Variants in MYO18B observed in about 807,000 individuals in gnomAD.
MYO18B encodes unconventional myosin-XVIIIb.
A neutral mutation model predicts 273.0 loss-of-function variants in MYO18B; 204 were observed. The observed-to-expected ratio is 0.75, with a 90% CI of 0.67 to 0.84. The LOEUF (loss-of-function observed/expected upper bound fraction) is 0.84. Ranked by LOEUF, MYO18B falls within the 40% of genes least tolerant of loss-of-function variation. The pLI, the probability that MYO18B is intolerant of heterozygous loss-of-function variation, is 0.00. For synonymous variants in MYO18B, 1,330 were observed against 1,305.7 expected, an observed-to-expected ratio of 1.02 and a Z score of -0.40; for missense variants, 3,212 against 3,287.6, an observed-to-expected ratio of 0.98 and a Z score of 0.56.
the MYO18B span, among the ~76,000 whole-genome samples, chr22:26,038,004 T>G: frequency 6.6e-6 from 1 of 152,172 alleles, no homozygotes; most frequent in Non-Finnish European, 1.5e-5. Context: ...GCCCAGCTGG[T>G]ACAAGTACAT....
chr22:25,761,294 G>A (rs74501615), intron 2 of MYO18B, among the ~76,000 whole-genome samples, 163 bp downstream of exon 2: 1,695 of 152,242 alleles, frequency 0.011, 34 homozygotes, highest in African/African-American at 0.038. Context: ...AGCTCGGTTA[G>A]CCTTGGCCTT....
intron 42 of MYO18B, among the ~76,000 whole-genome samples, chr22:26,012,140 A>G (rs1466282116): frequency 6.6e-6 from 1 of 152,204 alleles, no homozygotes; most frequent in African/African-American, 2.4e-5. Context: ...GTTACTTTCA[A>G]AGAAGGGCAA....
the MYO18B span, among the ~76,000 whole-genome samples, chr22:26,057,816 T>G: frequency 1.3e-5 from 2 of 152,174 alleles, no homozygotes; most frequent in Admixed American, 6.5e-5. Flanking sequence ...AAATGCTAGT[T>G]TTTAAAATTC....
intron 6 of MYO18B, among the ~76,000 whole-genome samples, 156 bp downstream of exon 6, chr22:25,771,140 C>A (rs1296929700): frequency 6.6e-6 from 1 of 152,164 alleles, no homozygotes; most frequent in Non-Finnish European, 1.5e-5. Context: ...TAGTGAAGAA[C>A]CCCACTGAAC....
intron 39 of MYO18B, among the ~76,000 whole-genome samples, chr22:25,991,832 C>G (rs1225773758): frequency 3.9e-5 from 6 of 152,200 alleles, no homozygotes. Flanking sequence ...CTTGCCTGTT[C>G]TGGAGGGAGC....
the MYO18B span, among the ~76,000 whole-genome samples, chr22:26,054,648 G>A: frequency 6.6e-6 from 1 of 152,168 alleles, no homozygotes; most frequent in Non-Finnish European, 1.5e-5. Context: ...CTTCTTCCAA[G>A]TTGGTTGATA....
the MYO18B span, among the ~76,000 whole-genome samples, chr22:26,042,159 C>G: frequency 6.6e-6 from 1 of 152,238 alleles, no homozygotes; most frequent in East Asian, 1.9e-4. Flanking sequence ...TTCACTCCCC[C>G]ACCAGGTGTC....
chr22:25,884,641 T>A (rs1200261748), intron 25 of MYO18B: 1 of 152,198 alleles, frequency 6.6e-6, no homozygotes, highest in African/African-American at 2.4e-5. Context: ...CCATAATCTC[T>A]TCTCTACCTG....
Position 25,955,346 on chromosome 22 carries a change from C to T in MYO18B, c.6138C>T (p.Ser2046=), listed in dbSNP as rs376655559. 3.7e-6 allele frequency: 6 copies of T among 1,613,018 alleles called. No homozygotes were observed. Among genetic ancestry groups the T allele is most frequent in the Non-Finnish European group, 4.2e-6 (5 of 1,179,578 alleles). Residue 2046 remains serine (S), a synonymous_variant, in exon 39 of 44, where the codon AGC becomes AGT. Coordinates refer to ENST00000335473, the MANE Select transcript of MYO18B (RefSeq NM_032608.7). ...EELVQREAEA[S]RRCMELEKYV... ...TGGTGCAGCGGGAGGCAGAGGCCAG[C>T]CGGCGGTGCATGGAGCTGGTGAGTC... is the stretch of plus-strand genomic sequence containing the variant.
At chr22:25,847,201 C>T (rs1290401352) in intron 19 of MYO18B, among the ~76,000 whole-genome samples, 1 of 152,172 alleles carries the variant, frequency 6.6e-6, no homozygotes, top group Non-Finnish European at 1.5e-5. Flanking sequence ...GTCTGTATGA[C>T]CTGGGGCCAC....
chr22:25,748,191 C>T (rs2085838031), intron 1 of MYO18B, among the ~76,000 whole-genome samples: 1 of 152,154 alleles, frequency 6.6e-6, no homozygotes, highest in African/African-American at 2.4e-5. Flanking sequence ...GGGTTAACCT[C>T]GTTGTCTGTT....
At chr22:25,784,920 G>A (rs1178664138) in intron 10 of MYO18B, among the ~76,000 whole-genome samples, 1 of 152,190 alleles carries the variant, frequency 6.6e-6, no homozygotes, top group East Asian at 1.9e-4. Flanking sequence ...TGGGCTCGAG[G>A]GGCCAACAGA....
At chr22:25,826,351 G>A in intron 13 of MYO18B, 58 bp from the exon 14 acceptor site, 1 of 1,368,400 alleles carries the variant, frequency 7.3e-7, no homozygotes, top group Non-Finnish European at 1.0e-6. Context: ...CTGCAGTGAT[G>A]TCCTTGGCCC....
At chr22:25,846,896 A>G (rs1177159850) in intron 19 of MYO18B, among the ~76,000 whole-genome samples, 2 of 152,162 alleles carry the variant, frequency 1.3e-5, no homozygotes, top group Non-Finnish European at 2.9e-5. Context: ...CCTGGCCAAC[A>G]TGGTGAAACC....
chr22:25,884,637 T>C (rs1012181674), intron 25 of MYO18B: 9 of 152,168 alleles, frequency 5.9e-5, no homozygotes, highest in African/African-American at 2.2e-4. Context: ...GAGTCCATAA[T>C]CTCTTCTCTA....
At chr22:25,766,093 A>G (rs1794770368) in intron 3 of MYO18B, among the ~76,000 whole-genome samples, 1 of 152,022 alleles carries the variant, frequency 6.6e-6, no homozygotes, top group Non-Finnish European at 1.5e-5. Context: ...AAGGTTTTTA[A>G]AAGTGCCCCA....
rs1236439363 is a variant in MYO18B, at chr22:25,992,391, T to C, written c.6185T>C (p.Val2062Ala). Residue 2062 changes from valine (V) to alanine (A), a missense_variant, in exon 40 of 44, where the codon GTG becomes GCG. Physicochemically the swap from Val to Ala is moderately conservative, Grantham distance 64. Coordinates refer to ENST00000335473, the MANE Select transcript of MYO18B (RefSeq NM_032608.7). ...AAGTACGTGGAGGAACTTGCAGCAG[T>C]GAGGCAAACCCTCCAGACAGACCTG... The part of the protein sequence containing the change: ...LEKYVEELAA[V>A]RQTLQTDLET... The C allele has an allele frequency of 6.2e-7, 1 of 1,614,016 alleles. No homozygotes were observed. Among genetic ancestry groups the C allele is most frequent in the South Asian group, 1.1e-5 (1 of 91,086 alleles).
intron 1 of MYO18B, among the ~76,000 whole-genome samples, chr22:25,755,890 A>C (rs2086102211): frequency 6.6e-6 from 1 of 151,280 alleles, no homozygotes; most frequent in African/African-American, 2.4e-5. Context: ...GAGCCAGTTG[A>C]ACTTTTTTCT....
intron 43 of MYO18B, among the ~76,000 whole-genome samples, chr22:26,029,787 G>A (rs1342471615): frequency 6.6e-6 from 1 of 152,140 alleles, no homozygotes; most frequent in Non-Finnish European, 1.5e-5. Context: ...GTCTCACCAA[G>A]CCCCTGTGTC....
Sources: gnomAD v4.1 joint callset for allele counts (sites outside exome capture counted in the v4.1 genomes callset) on GRCh38, gnomAD v4.1.1 for gene constraint, MANE v1.5 for transcripts, NCBI Gene and HGNC (gene_info 2026-07-23, HGNC 2026-07-21) for gene names.